CLINT1: variants seen among roughly 807,000 people sequenced by gnomAD.
The protein encoded by CLINT1 is clathrin interactor 1.
CLINT1 carries 15 observed loss-of-function variants against 70.4 expected under a neutral mutation model. The ratio of observed to expected loss-of-function variants is 0.21; its 90% CI spans 0.14 to 0.33. CLINT1 has a LOEUF of 0.33. CLINT1 is among the 10% of genes least tolerant of loss of function. The probability of loss-of-function intolerance (pLI) is 1.00; values close to 1 mark genes in which losing one functional copy is unlikely to be tolerated. For synonymous variants in CLINT1, 227 were observed against 254.7 expected (o/e 0.89, Z 1.04); for missense variants, 615 against 778.1 (o/e 0.79, Z 2.49).
intron 1 of CLINT1, among the ~76,000 whole-genome samples, chr5:157,820,702 C>CT (rs1042144459): frequency 2.6e-5 from 4 of 151,794 alleles, no homozygotes; most frequent in African/African-American, 9.7e-5. Context: ...TTCCAGTGAC[C>CT]TTTTTTAAAA....
chr5:157,830,757 CCTCTCTCTCTCTCTCTCT>C (rs373819711), intron 1 of CLINT1, among the ~76,000 whole-genome samples: 2 of 87,408 alleles, frequency 2.3e-5, no homozygotes, highest in African/African-American at 4.7e-5. Context: ...CCTCTCTCTC[CCTCTCTCTCTCTCTCTCT>C]CTCTCTCTCT....
Position 157,827,069 on chromosome 5 carries a change from A to C in CLINT1, c.42-9522T>G, listed in dbSNP as rs1428606148. ...GCAAAATTAACCAGACTCACATCTA[A>C]AATTTCTGAGATTTCTAACAACCAA... On this transcript the variant is annotated intron_variant, in intron 1 of 11. Transcript: ENST00000411809. 2.0e-5 allele frequency among the ~76,000 whole-genome samples: 3 copies of C among 152,156 alleles called. No homozygotes were observed. In the East Asian group the frequency reaches 5.8e-4, roughly 29 times the overall value.
At chr5:157,833,248 A>C (rs137926726) in intron 1 of CLINT1, among the ~76,000 whole-genome samples, 2,106 of 152,114 alleles carry the variant, frequency 0.014, 29 homozygotes, top group Non-Finnish European at 0.021. Context: ...CTATCTGGGA[A>C]GCTGAGGCAG....
At chr5:157,789,548 G>A in intron 10 of CLINT1, 35 bp from the exon 11 acceptor site, 1 of 1,613,744 alleles carries the variant, frequency 6.2e-7, no homozygotes. Flanking sequence ...CTGCAGCACT[G>A]TGCTAACATT....
intron 1 of CLINT1, among the ~76,000 whole-genome samples, chr5:157,836,833 C>T (rs951493803): frequency 6.6e-6 from 1 of 152,124 alleles, no homozygotes; most frequent in Non-Finnish European, 1.5e-5. Context: ...TAAAATAATC[C>T]CACTCATCAT....
chr5:157,833,979 T>C (rs978033313), intron 1 of CLINT1, among the ~76,000 whole-genome samples: 1 of 152,088 alleles, frequency 6.6e-6, no homozygotes, highest in African/African-American at 2.4e-5. Flanking sequence ...GGCATGTTTG[T>C]TTATTTACCC....
chr5:157,786,698 A>G lies in CLINT1; in HGVS notation c.*948T>C, dbSNP rs1168325689. On this transcript the variant is annotated 3_prime_UTR_variant, in exon 12 of 12. Coordinates refer to ENST00000411809, the MANE Select transcript of CLINT1 (RefSeq NM_014666.4). The stretch of plus-strand genomic sequence containing the variant: ...AAACAAATACTGTATAAAATCTAAA[A>G]GCAAACATTGAGTTGTAACATTTAT... 2 of 152,598 alleles carry G rather than the reference A, an allele frequency of 1.3e-5. No individual in the cohort carries two copies. Among genetic ancestry groups the G allele is most frequent in the Admixed American group, 1.3e-4 (2 of 15,272 alleles). 9.5% of individuals were successfully genotyped at this position (152,598 alleles called of 1,614,324 possible). A position where few individuals can be genotyped will look rare whatever the true frequency, so the allele number is the denominator to read the frequency against.
At chr5:157,821,328 A>AC (rs1762874823) in intron 1 of CLINT1, among the ~76,000 whole-genome samples, 1 of 152,196 alleles carries the variant, frequency 6.6e-6, no homozygotes, top group South Asian at 2.1e-4. Flanking sequence ...ATCAATAACT[A>AC]CCTTTTATTT....
intron 8 of CLINT1, among the ~76,000 whole-genome samples, chr5:157,802,540 CTCTTT>C (rs1561642729): frequency 1.4e-5 from 2 of 147,356 alleles, no homozygotes; most frequent in African/African-American, 2.6e-5. Context: ...CTGTAGCCCT[CTCTTT>C]TTTTTTTTTT....
chr5:157,820,570 C>T (rs981967174), intron 1 of CLINT1, among the ~76,000 whole-genome samples: 1 of 152,310 alleles, frequency 6.6e-6, no homozygotes, highest in African/African-American at 2.4e-5. Flanking sequence ...AAAAACAACA[C>T]TGTATGGTTT....
chr5:157,788,840 C>T (rs1329264120), intron 11 of CLINT1, among the ~76,000 whole-genome samples: 1 of 151,826 alleles, frequency 6.6e-6, no homozygotes, highest in Non-Finnish European at 1.5e-5. Flanking sequence ...TGGCGGTGCA[C>T]GCCTGTAGTC....
chr5:157,855,697 A>T (rs1753736214), intron 1 of CLINT1, among the ~76,000 whole-genome samples: 1 of 152,196 alleles, frequency 6.6e-6, no homozygotes, highest in African/African-American at 2.4e-5. Flanking sequence ...CACTTTGAGT[A>T]GCTGAGATGG....
At position 157,804,298 on chromosome 5, in the gene CLINT1, T is replaced by C. The variant is rs1762322514; in HGVS notation, c.943-579A>G. Among the ~76,000 whole-genome samples the C allele has an allele frequency of 2.0e-5, 3 of 152,200 alleles. No homozygotes were observed. In the South Asian group the frequency reaches 6.2e-4, roughly 31 times the overall value. On this transcript the variant is annotated intron_variant, in intron 7 of 11. Transcript: ENST00000411809. ...TATAATTCTATGTTATTTGATATAT[T>C]GATATGTTTCATATTTAGTTCCCCA...
intron 1 of CLINT1, among the ~76,000 whole-genome samples, chr5:157,847,259 T>C (rs1753414648): frequency 6.6e-6 from 1 of 152,240 alleles, no homozygotes; most frequent in Non-Finnish European, 1.5e-5. Context: ...ATCCTAGCAC[T>C]TTGGGAGGCC....
At chr5:157,848,753 T>C (rs748424465) in intron 1 of CLINT1, among the ~76,000 whole-genome samples, 7 of 152,118 alleles carry the variant, frequency 4.6e-5, no homozygotes, top group Non-Finnish European at 7.4e-5. Flanking sequence ...CCTCTGCCTC[T>C]GGGGTTCAAG....
chr5:157,804,831 G>T (rs1033137453), intron 7 of CLINT1, among the ~76,000 whole-genome samples: 1 of 152,072 alleles, frequency 6.6e-6, no homozygotes, highest in African/African-American at 2.4e-5. Flanking sequence ...GGAGGCTGAG[G>T]CAGGAGAATC....
At chr5:157,812,907 T>C (rs1328034529) in intron 5 of CLINT1, among the ~76,000 whole-genome samples, 156 bp downstream of exon 5, 7 of 152,234 alleles carry the variant, frequency 4.6e-5, no homozygotes, top group African/African-American at 1.2e-4. Context: ...ATTCATGTGA[T>C]AGTAGAAGTC....
intron 1 of CLINT1, among the ~76,000 whole-genome samples, chr5:157,858,125 C>G (rs1753814288): frequency 1.3e-5 from 2 of 152,220 alleles, no homozygotes; most frequent in Admixed American, 6.5e-5. Context: ...AGGAAATCAA[C>G]TACGTACTGG....
chr5:157,854,455 C>T (rs529851305), intron 1 of CLINT1, among the ~76,000 whole-genome samples: 44 of 152,186 alleles, frequency 2.9e-4, no homozygotes, highest in African/African-American at 7.5e-4. Flanking sequence ...CGCATGGAGG[C>T]GCAGCTGTGG....
Sources: allele counts gnomAD v4.1 joint callset (sites outside exome capture counted in the v4.1 genomes callset), GRCh38; gene constraint gnomAD v4.1.1; transcripts MANE v1.5; gene names NCBI Gene and HGNC (gene_info 2026-07-23, HGNC 2026-07-21).